COMMD1: variants seen among roughly 807,000 people sequenced by gnomAD.
COMMD1 encodes COMM domain-containing protein 1.
COMMD1 carries 10 observed loss-of-function variants against 17.2 expected under a neutral mutation model. The observed-to-expected ratio is 0.58, with a 90% CI of 0.36 to 0.99. The LOEUF (loss-of-function observed/expected upper bound fraction) is 0.99, where lower values mean the gene tolerates loss of function less well. COMMD1 is among the 50% of genes least tolerant of loss of function. The pLI is 0.01. For synonymous variants in COMMD1, 97 were observed against 91.6 expected, an observed-to-expected ratio of 1.06 and a Z score of -0.34; for missense variants, 270 against 231.8, an observed-to-expected ratio of 1.17 and a Z score of -1.07.
chr2:61,889,346 A>T (rs1669358312), intron 1 of COMMD1, among the ~76,000 whole-genome samples: 1 of 151,816 alleles, frequency 6.6e-6, no homozygotes, highest in East Asian at 1.9e-4. Context: ...AGCCAGGACG[A>T]CAGGTGCCCG....
At chr2:61,888,937 C>G (rs1458486076) in intron 1 of COMMD1, 2 of 151,394 alleles carry the variant, frequency 1.3e-5, no homozygotes, top group Non-Finnish European at 2.8e-5. Flanking sequence ...TACAGTCTCA[C>G]TCTGTTGCCC....
chr2:62,092,666 C>T (rs181684345), intron 2 of COMMD1, among the ~76,000 whole-genome samples: 128 of 152,208 alleles, frequency 8.4e-4, no homozygotes, highest in African/African-American at 1.3e-3. Context: ...CGTCAGCCCC[C>T]GGGAGCTCAC....
At chr2:62,127,096 A>C (rs978066101) in intron 2 of COMMD1, among the ~76,000 whole-genome samples, 4 of 152,164 alleles carry the variant, frequency 2.6e-5, no homozygotes, top group African/African-American at 9.7e-5. Flanking sequence ...GCAAGCAGAA[A>C]GCCAAGTCAT....
intron 1 of COMMD1, among the ~76,000 whole-genome samples, chr2:61,986,640 C>T (rs1438978468): frequency 6.8e-6 from 1 of 147,388 alleles, no homozygotes; most frequent in Non-Finnish European, 1.5e-5. Flanking sequence ...ATGATCTCAG[C>T]TTGCTGCAAC....
chr2:61,965,960 G>A (rs781230141), intron 1 of COMMD1, among the ~76,000 whole-genome samples: 1 of 152,172 alleles, frequency 6.6e-6, no homozygotes, highest in Non-Finnish European at 1.5e-5. Context: ...CTGTGAAGTT[G>A]GCTAGGTTTA....
At chr2:62,075,206 A>G (rs1027490949) in intron 2 of COMMD1, among the ~76,000 whole-genome samples, 4 of 151,962 alleles carry the variant, frequency 2.6e-5, no homozygotes, top group Non-Finnish European at 5.9e-5. Context: ...CATGTTTTTT[A>G]AAAATTTCAA....
chr2:61,946,329 T>A (rs1670904500), intron 1 of COMMD1, among the ~76,000 whole-genome samples: 1 of 152,170 alleles, frequency 6.6e-6, no homozygotes, highest in Non-Finnish European at 1.5e-5. Context: ...CAGTTTGAGA[T>A]CAAGATTTTA....
chr2:61,940,923 C>T (rs957623543), intron 1 of COMMD1, among the ~76,000 whole-genome samples: 3 of 151,758 alleles, frequency 2.0e-5, no homozygotes, highest in Non-Finnish European at 4.4e-5. Context: ...CTCCTGACCT[C>T]GTGATCCGCC....
chr2:61,910,077 G>C (rs1669865387), intron 1 of COMMD1, among the ~76,000 whole-genome samples: 1 of 152,136 alleles, frequency 6.6e-6, no homozygotes, highest in Non-Finnish European at 1.5e-5. Flanking sequence ...TCACCTGCTT[G>C]TAGATATGCG....
At chr2:62,086,466 G>C (rs189453586) in intron 2 of COMMD1, among the ~76,000 whole-genome samples, 328 of 148,878 alleles carry the variant, frequency 2.2e-3, no homozygotes, top group African/African-American at 8.0e-3. Context: ...AGCAGAGATC[G>C]CGCCACTGCA....
At chr2:62,063,868 A>ATATATATATATATAT (rs1670947199) in intron 2 of COMMD1, among the ~76,000 whole-genome samples, 1 of 81,176 alleles carries the variant, frequency 1.2e-5, no homozygotes, top group African/African-American at 4.9e-5. Flanking sequence ...GTCTCTACAA[A>ATATATATATATATAT]ATATATATAT....
chr2:62,059,107 A>T (rs897006330), intron 2 of COMMD1, among the ~76,000 whole-genome samples: 2 of 152,116 alleles, frequency 1.3e-5, no homozygotes, highest in Non-Finnish European at 2.9e-5. Flanking sequence ...TTGAAGCTTT[A>T]TATCAGACAT....
At chr2:61,993,533 G>T (rs779156164) in intron 1 of COMMD1, among the ~76,000 whole-genome samples, 1 of 152,206 alleles carries the variant, frequency 6.6e-6, no homozygotes, top group Admixed American at 6.5e-5. Context: ...GGATTCTAAT[G>T]TGCAGCCAGT....
chr2:62,091,645 T>C (rs1200072589), intron 2 of COMMD1, among the ~76,000 whole-genome samples: 2 of 152,158 alleles, frequency 1.3e-5, no homozygotes, highest in Non-Finnish European at 2.9e-5. Flanking sequence ...CACTTGACCA[T>C]AAATAGTTCT....
chr2:61,910,838 C>T (rs1384279978), intron 1 of COMMD1, among the ~76,000 whole-genome samples: 1 of 152,132 alleles, frequency 6.6e-6, no homozygotes, highest in Non-Finnish European at 1.5e-5. Flanking sequence ...CATCCCAGCA[C>T]TTTGGGAGGC....
At chr2:61,906,043 C>G (rs536074128) in intron 1 of COMMD1, among the ~76,000 whole-genome samples, 185 bp downstream of exon 1, 1 of 152,316 alleles carries the variant, frequency 6.6e-6, no homozygotes, top group African/African-American at 2.4e-5. Context: ...TTCTCTCTTT[C>G]CTAAGGGGGA....
chr2:62,016,565 T>C (rs562718445), intron 2 of COMMD1, among the ~76,000 whole-genome samples: 36 of 151,838 alleles, frequency 2.4e-4, no homozygotes, highest in Admixed American at 5.3e-4. Context: ...GCACTTTTAT[T>C]GTTTTTTTTG....
chr2:61,895,760 C>A (rs1366238009), intron 1 of COMMD1, among the ~76,000 whole-genome samples: 3 of 152,178 alleles, frequency 2.0e-5, no homozygotes, highest in Non-Finnish European at 4.4e-5. Flanking sequence ...CAAGGACTCA[C>A]CCAGTGACCT....
chr2:62,020,682 A>G (rs1269940525), intron 2 of COMMD1, among the ~76,000 whole-genome samples: 1 of 152,180 alleles, frequency 6.6e-6, no homozygotes, highest in African/African-American at 2.4e-5. Context: ...CTGAGAGGCA[A>G]TAGCTTTTAG....
Sources: gnomAD v4.1 joint callset for allele counts (sites outside exome capture counted in the v4.1 genomes callset) on GRCh38, gnomAD v4.1.1 for gene constraint, MANE v1.5 for transcripts, NCBI Gene and HGNC (gene_info 2026-07-23, HGNC 2026-07-21) for gene names.